ENOX2: variants seen among roughly 807,000 people sequenced by gnomAD.
ENOX2 encodes the protein APK1 antigen.
Under a neutral mutation model 45.0 loss-of-function variants are expected in ENOX2, and 36 were observed. That is an observed-to-expected ratio of 0.80 (90% CI 0.61 to 1.06). The LOEUF is 1.06. ENOX2 is among the 50% of genes least tolerant of loss of function. The pLI, the probability that ENOX2 is intolerant of heterozygous loss-of-function variation, is 0.00. For missense variants in ENOX2, 423 were observed against 462.5 expected (o/e 0.91, Z 0.78); for synonymous variants, 174 against 152.3 (o/e 1.14, Z -1.05).
chrX:130,833,704 G>C (rs774452310), intron 2 of ENOX2, among the ~76,000 whole-genome samples: 5 of 111,310 alleles, frequency 4.5e-5, no homozygotes, highest in Non-Finnish European at 9.4e-5. Context: ...AAGATGAATG[G>C]AACACTTTCT....
chrX:130,753,916 A>G (rs183973389), intron 3 of ENOX2, among the ~76,000 whole-genome samples: 1 of 111,304 alleles, frequency 9.0e-6, no homozygotes, highest in African/African-American at 3.3e-5. Flanking sequence ...GGTGGGGAGC[A>G]TGGGGAGAGG....
At position 130,625,426 on chromosome X, in the gene ENOX2, T is replaced by C. The variant is rs1164546121; in HGVS notation, c.1634A>G (p.Glu545Gly). 2 of 1,209,461 alleles carry C rather than the reference T, an allele frequency of 1.7e-6. No individual in the cohort carries two copies. The stretch of plus-strand genomic sequence containing the variant: ...ATGCTGGAGTCTACCCATGAGACAC[T>C]CCACATCGCTGGTGCAGATCTGTGG... ...LDNKICTSDV[E>G]CLMGRLQHTF... The change falls in exon 15 of 15, where the codon GAG becomes GGG. Residue 545 changes from glutamate (E) to glycine (G), a missense_variant. Glu to Gly is a moderately conservative substitution (Grantham distance 98). Around this residue, in one of 5 missense-constraint regions of ENOX2, gnomAD observed 34 missense variants for 31.3 expected, o/e 1.09. Transcript: ENST00000394363.
chrX:130,811,777 A>C (rs2077393404), intron 2 of ENOX2, among the ~76,000 whole-genome samples: 1 of 112,677 alleles, frequency 8.9e-6, no homozygotes, highest in African/African-American at 3.2e-5. Flanking sequence ...AAGCTTAGCA[A>C]ACTTACAAAA....
At chrX:130,807,809 T>C (rs1232482867) in intron 2 of ENOX2, among the ~76,000 whole-genome samples, 2 of 111,950 alleles carry the variant, frequency 1.8e-5, no homozygotes, top group African/African-American at 6.5e-5. Context: ...GGAGTCAAAC[T>C]GTCTAGCATG....
intron 4 of ENOX2, among the ~76,000 whole-genome samples, chrX:130,689,772 T>A (rs2037543976): frequency 9.0e-6 from 1 of 111,719 alleles, no homozygotes; most frequent in Non-Finnish European, 1.9e-5. Context: ...ATTTTTTTTT[T>A]ATTTTGCATT....
chrX:130,859,220 G>A (rs987480968), intron 2 of ENOX2, among the ~76,000 whole-genome samples: 1 of 111,923 alleles, frequency 8.9e-6, no homozygotes, highest in South Asian at 3.7e-4. Flanking sequence ...CTACTCAGGA[G>A]GCTGACACAG....
intron 14 of ENOX2, 89 bp from the exon 15 acceptor site, chrX:130,625,534 T>C: frequency 1.0e-6 from 1 of 960,882 alleles, no homozygotes. Context: ...AATGCTGATG[T>C]GTCTGTGTGT....
At chrX:130,837,846 A>G (rs914235617) in intron 2 of ENOX2, among the ~76,000 whole-genome samples, 2 of 112,160 alleles carry the variant, frequency 1.8e-5, no homozygotes, top group Non-Finnish European at 3.8e-5. Context: ...CTCAGTAAAT[A>G]TCAGCTCTTG....
chrX:130,689,647 C>T, intron 4 of ENOX2, among the ~76,000 whole-genome samples: 1 of 112,311 alleles, frequency 8.9e-6, no homozygotes, highest in Non-Finnish European at 1.9e-5. Flanking sequence ...AAATTCTCCC[C>T]ATGCTTCAAG....
chrX:130,632,865 T>C (rs2035815387), intron 12 of ENOX2, among the ~76,000 whole-genome samples: 1 of 112,295 alleles, frequency 8.9e-6, no homozygotes, highest in Non-Finnish European at 1.9e-5. Flanking sequence ...CCAAGTTTGA[T>C]TTAAACTACT....
At chrX:130,732,698 T>TCACACACACA (rs201498808) in intron 3 of ENOX2, among the ~76,000 whole-genome samples, 3 of 99,939 alleles carry the variant, frequency 3.0e-5, no homozygotes, top group Admixed American at 1.1e-4. Context: ...ATAAATCCAT[T>TCACACACACA]CACACACACA....
intron 4 of ENOX2, among the ~76,000 whole-genome samples, chrX:130,696,522 T>TA (rs1031026997): frequency 1.8e-5 from 2 of 112,244 alleles, no homozygotes; most frequent in African/African-American, 6.5e-5. Context: ...GATTTTAAAA[T>TA]AAAAAATATA....
At chrX:130,689,238 T>C (rs772721954) in intron 4 of ENOX2, among the ~76,000 whole-genome samples, 1 of 112,186 alleles carries the variant, frequency 8.9e-6, no homozygotes, top group South Asian at 3.7e-4. Flanking sequence ...TATTTAAGTC[T>C]CTGCATCTCA....
rs369722774 is a variant in ENOX2, at chrX:130,625,419, G to C, written c.1641C>G (p.Leu547=). ...TGAAGGTATGCTGGAGTCTACCCAT[G>C]AGACACTCCACATCGCTGGTGCAGA... is the stretch of plus-strand genomic sequence containing the variant. The part of the protein sequence containing the change: ...NKICTSDVEC[L]MGRLQHTFKQ... The change falls in exon 15 of 15, where the codon CTC becomes CTG. Residue 547 remains leucine (L), a synonymous_variant. Transcript: ENST00000394363. 9.9e-6 allele frequency: 12 copies of C among 1,207,713 alleles called. No homozygotes were observed. The African/African-American group carries it at 2.1e-4, about 21-fold the overall frequency.
At chrX:130,646,028 C>T (rs2036225050) in intron 10 of ENOX2, 1 of 572,964 alleles carries the variant, frequency 1.7e-6, no homozygotes, top group Non-Finnish European at 3.2e-6. Context: ...TGGTGAATGG[C>T]TGCTGTAACG....
intron 8 of ENOX2, among the ~76,000 whole-genome samples, chrX:130,667,172 T>C (rs779434611): frequency 1.3e-4 from 15 of 112,415 alleles, no homozygotes; most frequent in Middle Eastern, 4.6e-3. Flanking sequence ...ATGATAATTA[T>C]ACAAATCTGA....
At chrX:130,743,473 ATT>A (rs144700742) in intron 3 of ENOX2, among the ~76,000 whole-genome samples, 5 of 97,700 alleles carry the variant, frequency 5.1e-5, no homozygotes, top group African/African-American at 7.4e-5. Flanking sequence ...CCTATGAGGG[ATT>A]TTTTTTTTTT....
intron 11 of ENOX2, 26 bp from the exon 12 acceptor site, chrX:130,635,117 A>C (rs2035898923): frequency 2.2e-5 from 19 of 882,755 alleles, no homozygotes; most frequent in Non-Finnish European, 3.1e-5. Flanking sequence ...AAAGACAATC[A>C]ATTTATGAAT....
chrX:130,650,705 G>C (rs2036377051), intron 10 of ENOX2, among the ~76,000 whole-genome samples: 1 of 111,955 alleles, frequency 8.9e-6, no homozygotes, highest in Non-Finnish European at 1.9e-5. Flanking sequence ...TGGGGAAAAT[G>C]TTTCTCTTTA....
Sources: gnomAD v4.1 joint callset for allele counts (sites outside exome capture counted in the v4.1 genomes callset) on GRCh38, gnomAD v4.1.1 for gene constraint, gnomAD v4.1.1 regional missense constraint, MANE v1.5 for transcripts, NCBI Gene and HGNC (gene_info 2026-07-23, HGNC 2026-07-21) for gene names.